CDH12: variants seen among roughly 807,000 people sequenced by gnomAD.
CDH12 encodes cadherin-12.
A neutral mutation model predicts 74.1 loss-of-function variants in CDH12; 41 were observed. That is an observed-to-expected ratio of 0.55 (90% CI 0.43 to 0.72). The LOEUF (loss-of-function observed/expected upper bound fraction) is 0.72. Ranked by LOEUF, CDH12 falls within the 30% of genes least tolerant of loss-of-function variation. CDH12 has a pLI of 0.00. For synonymous variants in CDH12, 399 were observed against 355.0 expected, an observed-to-expected ratio of 1.12 and a Z score of -1.39; for missense variants, 945 against 977.2, an observed-to-expected ratio of 0.97 and a Z score of 0.44.
intron 3 of CDH12, among the ~76,000 whole-genome samples, chr5:22,237,904 G>T (rs1752615494): frequency 6.6e-6 from 1 of 152,258 alleles, no homozygotes; most frequent in Middle Eastern, 3.4e-3. Context: ...CTATAAAATT[G>T]TTCTTCTTAA....
intron 6 of CDH12, among the ~76,000 whole-genome samples, chr5:21,957,845 G>A (rs892427479): frequency 6.6e-6 from 1 of 152,034 alleles, no homozygotes; most frequent in African/African-American, 2.4e-5. Context: ...TTTGCAAATA[G>A]TTTCTCCCAT....
At chr5:22,092,181 T>C (rs576716101) in intron 4 of CDH12, among the ~76,000 whole-genome samples, 3 of 152,034 alleles carry the variant, frequency 2.0e-5, no homozygotes, top group East Asian at 2.0e-4. Flanking sequence ...TCCTGTAAGA[T>C]TCTTACACAC....
chr5:21,979,873 C>A lies in CDH12; in HGVS notation c.232-4488G>T, dbSNP rs558284673. Reference sequence around the variant, plus strand: ...TGAGGAATCGCCACACTGACTTCCACAATGGTTGAACTAGTTTACAGTCCC... The same window carrying A: ...TGAGGAATCGCCACACTGACTTCCAAAATGGTTGAACTAGTTTACAGTCCC... On this transcript the variant is annotated intron_variant, in intron 5 of 14. Transcript: ENST00000382254. Among the ~76,000 whole-genome samples, 490 of 151,878 alleles carry A rather than the reference C, an allele frequency of 3.2e-3. 4 individuals carry two copies. The highest frequency in any genetic ancestry group is 5.8e-3 in the Non-Finnish European group (395 of 67,944).
At position 21,977,562 on chromosome 5, in the gene CDH12, C is replaced by G. The variant is rs528422659; in HGVS notation, c.232-2177G>C. Among the ~76,000 whole-genome samples the G allele has an allele frequency of 1.2e-3, 182 of 151,986 alleles. 1 individual carries two copies. The highest frequency in any genetic ancestry group is 4.1e-3 in the African/African-American group (170 of 41,470). On this transcript the variant is annotated intron_variant, in intron 5 of 14. Transcript: ENST00000382254. ...TCAGAGTAGGTTTTGAAATGTGATA[C>G]AAGTAGAATTTTAAAAAGAAAAAAG...
chr5:22,173,384 A>G (rs1027550842), intron 4 of CDH12, among the ~76,000 whole-genome samples: 8 of 136,892 alleles, frequency 5.8e-5, no homozygotes, highest in Non-Finnish European at 1.3e-4. Flanking sequence ...ACACTTTTAT[A>G]TAATATAAAT....
At chr5:22,676,466 T>G (rs748350168) in intron 1 of CDH12, among the ~76,000 whole-genome samples, 1 of 152,194 alleles carries the variant, frequency 6.6e-6, no homozygotes, top group Admixed American at 6.5e-5. Context: ...GCTTAACATC[T>G]ATTACCTGAG....
chr5:21,812,067 A>G (rs1012451839), intron 9 of CDH12, among the ~76,000 whole-genome samples: 12 of 152,202 alleles, frequency 7.9e-5, no homozygotes, highest in African/African-American at 2.9e-4. Context: ...AAGAAAAGCA[A>G]ATAAAAGATT....
chr5:21,792,704 A>G (rs978671928), intron 10 of CDH12, among the ~76,000 whole-genome samples: 1 of 148,166 alleles, frequency 6.7e-6, no homozygotes, highest in African/African-American at 2.5e-5. Context: ...TGGTTATCTG[A>G]CCACTGTATT....
At chr5:22,362,982 A>T in intron 3 of CDH12, among the ~76,000 whole-genome samples, 1 of 151,000 alleles carries the variant, frequency 6.6e-6, no homozygotes, top group Non-Finnish European at 1.5e-5. Flanking sequence ...CCTAATGCTA[A>T]ATGACGAGTT....
intron 1 of CDH12, among the ~76,000 whole-genome samples, chr5:22,575,119 T>G (rs1038040823): frequency 1.3e-5 from 2 of 152,198 alleles, no homozygotes; most frequent in Admixed American, 6.5e-5. Context: ...TTCATGACAC[T>G]AACAACGTTT....
intron 1 of CDH12, among the ~76,000 whole-genome samples, chr5:22,564,769 T>C (rs1055365551): frequency 3.3e-5 from 5 of 152,216 alleles, no homozygotes; most frequent in Non-Finnish European, 7.3e-5. Flanking sequence ...GTGCTTTTTA[T>C]GCATTCTGAT....
At chr5:22,128,206 T>C (rs1347641261) in intron 4 of CDH12, among the ~76,000 whole-genome samples, 1 of 152,060 alleles carries the variant, frequency 6.6e-6, no homozygotes, top group Non-Finnish European at 1.5e-5. Flanking sequence ...TGACCAGAAA[T>C]GATTTGCCCA....
intron 3 of CDH12, among the ~76,000 whole-genome samples, chr5:22,305,069 G>C (rs1738045559): frequency 6.6e-6 from 1 of 151,528 alleles, no homozygotes; most frequent in African/African-American, 2.4e-5. Context: ...TTTTTAAACA[G>C]AATAATTTTT....
chr5:22,348,992 A>G (rs538690350), intron 3 of CDH12, among the ~76,000 whole-genome samples: 1 of 152,306 alleles, frequency 6.6e-6, no homozygotes, highest in Non-Finnish European at 1.5e-5. Flanking sequence ...TGGTATTAGC[A>G]TGGTATTGGG....
intron 6 of CDH12, chr5:21,883,452 T>G (rs1360290971): frequency 1.2e-6 from 2 of 1,610,286 alleles, no homozygotes; most frequent in African/African-American, 2.7e-5. Flanking sequence ...TACACTCATC[T>G]TGAATAGGCT....
chr5:22,173,500 C>G (rs1304623809), intron 4 of CDH12, among the ~76,000 whole-genome samples: 1 of 150,298 alleles, frequency 6.7e-6, no homozygotes, highest in Non-Finnish European at 1.5e-5. Flanking sequence ...ATATCTAACC[C>G]TTATATAGGA....
intron 4 of CDH12, among the ~76,000 whole-genome samples, chr5:22,110,643 A>G (rs1294549618): frequency 6.6e-6 from 1 of 152,062 alleles, no homozygotes; most frequent in East Asian, 1.9e-4. Flanking sequence ...AAATACCTGA[A>G]AAGATATCTC....
chr5:22,534,799 ATT>A (rs34165122), intron 1 of CDH12, among the ~76,000 whole-genome samples: 3 of 148,518 alleles, frequency 2.0e-5, no homozygotes, highest in South Asian at 2.1e-4. Context: ...AAGTTTTGAG[ATT>A]TTTTTTTTTA....
At chr5:22,083,987 T>C (rs897140092) in intron 4 of CDH12, among the ~76,000 whole-genome samples, 1 of 152,120 alleles carries the variant, frequency 6.6e-6, no homozygotes, top group Non-Finnish European at 1.5e-5. Flanking sequence ...ATATAGTTCC[T>C]CTGAAGTCCA....
Sources: gnomAD v4.1 joint callset for allele counts (sites outside exome capture counted in the v4.1 genomes callset) on GRCh38, gnomAD v4.1.1 for gene constraint, MANE v1.5 for transcripts, NCBI Gene and HGNC (gene_info 2026-07-23, HGNC 2026-07-21) for gene names.